PRR16: variants seen among roughly 807,000 people sequenced by gnomAD.
PRR16 encodes the protein protein Largen.
A neutral mutation model predicts 18.2 loss-of-function variants in PRR16; 6 were observed. The ratio of observed to expected loss-of-function variants is 0.33; its 90% CI spans 0.18 to 0.65. PRR16 has a LOEUF of 0.65. Ranked by LOEUF, PRR16 falls within the 30% of genes least tolerant of loss-of-function variation. PRR16 has a pLI of 0.74. For missense variants in PRR16, 412 were observed against 376.6 expected, an observed-to-expected ratio of 1.09 and a Z score of -0.78; for synonymous variants, 151 against 147.8, an observed-to-expected ratio of 1.02 and a Z score of -0.16.
chr5:120,530,259 A>G (rs1751501606), intron 1 of PRR16, among the ~76,000 whole-genome samples: 1 of 99,422 alleles, frequency 1.0e-5, no homozygotes. Flanking sequence ...GTGTAAATAT[A>G]TATATATATA....
At chr5:120,556,360 A>G (rs990835325) in intron 1 of PRR16, among the ~76,000 whole-genome samples, 1 of 150,498 alleles carries the variant, frequency 6.6e-6, no homozygotes, top group Non-Finnish European at 1.5e-5. Flanking sequence ...TTTGGGGTGC[A>G]GTCTTGCTCA....
chr5:120,721,069 T>C, the PRR16 span, among the ~76,000 whole-genome samples: 1 of 152,120 alleles, frequency 6.6e-6, no homozygotes, highest in Non-Finnish European at 1.5e-5. Context: ...CATAATTTCT[T>C]GTCCAAATTA....
chr5:120,763,515 G>A, the PRR16 span, among the ~76,000 whole-genome samples: 1 of 151,916 alleles, frequency 6.6e-6, no homozygotes, highest in African/African-American at 2.4e-5. Flanking sequence ...TGTCCTTTTT[G>A]CTCAGGATTG....
the PRR16 span, among the ~76,000 whole-genome samples, chr5:120,759,508 C>A: frequency 6.6e-6 from 1 of 151,946 alleles, no homozygotes; most frequent in African/African-American, 2.4e-5. Flanking sequence ...TAAGTGGCTT[C>A]CATGGGCTCA....
intron 1 of PRR16, among the ~76,000 whole-genome samples, chr5:120,659,773 A>G (rs551909509): frequency 3.3e-5 from 5 of 152,052 alleles, no homozygotes; most frequent in Admixed American, 1.3e-4. Context: ...ACATTCTTGG[A>G]TCAAAAAGAG....
At chr5:120,498,767 C>G (rs747375192) in intron 1 of PRR16, among the ~76,000 whole-genome samples, 8 of 151,590 alleles carry the variant, frequency 5.3e-5, no homozygotes, top group African/African-American at 1.9e-4. Flanking sequence ...ATTACTCTTT[C>G]TTCTTTAAGG....
At chr5:120,630,882 T>TAG (rs1755029506) in intron 1 of PRR16, among the ~76,000 whole-genome samples, 1 of 152,166 alleles carries the variant, frequency 6.6e-6, no homozygotes, top group African/African-American at 2.4e-5. Flanking sequence ...TAAATCTAGA[T>TAG]ACGCATTTTG....
intron 1 of PRR16, among the ~76,000 whole-genome samples, chr5:120,470,319 G>A (rs557926637): frequency 6.6e-6 from 1 of 152,108 alleles, no homozygotes; most frequent in African/African-American, 2.4e-5. Flanking sequence ...GTTAGGAGCA[G>A]CACATGAATA....
rs188913701 is a variant in PRR16, at chr5:120,636,226, C to T, written c.160-49728C>T. 2.0e-5 allele frequency among the ~76,000 whole-genome samples: 3 copies of T among 152,068 alleles called. No individual in the cohort carries two copies. In the East Asian group the frequency reaches 5.8e-4, roughly 29 times the overall value. On this transcript the variant is annotated intron_variant, in intron 1 of 1. Coordinates refer to ENST00000407149, the MANE Select transcript of PRR16 (RefSeq NM_001300783.2). The stretch of plus-strand genomic sequence containing the variant: ...CCAAAAGCAATCTACAAATTCAATA[C>T]AATTCCCATCAAAATATGACCATCA...
the PRR16 span, among the ~76,000 whole-genome samples, chr5:120,753,523 G>T: frequency 6.6e-6 from 1 of 151,716 alleles, no homozygotes; most frequent in Non-Finnish European, 1.5e-5. Context: ...GTAAAGAATG[G>T]TGAGTGATCT....
intron 1 of PRR16, among the ~76,000 whole-genome samples, chr5:120,564,216 G>T (rs553422860): frequency 6.6e-6 from 1 of 152,102 alleles, no homozygotes; most frequent in African/African-American, 2.4e-5. Context: ...CCTTCGGTTG[G>T]GGGAGGGGTG....
chr5:120,486,309 CTGT>C (rs1749798200), intron 1 of PRR16, among the ~76,000 whole-genome samples: 2 of 152,100 alleles, frequency 1.3e-5, no homozygotes, highest in African/African-American at 4.8e-5. Flanking sequence ...TCTCCAGCAC[CTGT>C]TGTTTCCTGA....
At position 120,685,646 on chromosome 5, in the gene PRR16, A is replaced by T. The variant is rs532786521; in HGVS notation, c.160-308A>T. 2.0e-5 allele frequency among the ~76,000 whole-genome samples: 3 copies of T among 152,278 alleles called. No homozygotes were observed. The South Asian group carries it at 6.2e-4, about 32-fold the overall frequency. ...AAATGCCCTCTGATTATTTTTAAAA[A>T]TCAGTTATATTCCTGCATCAGGTTT... On this transcript the variant is annotated intron_variant, in intron 1 of 1. Coordinates refer to ENST00000407149, the MANE Select transcript of PRR16 (RefSeq NM_001300783.2).
At position 120,686,785 on chromosome 5, in the gene PRR16, C is replaced by A; in HGVS notation, c.*76C>A. 8.2e-7 allele frequency: 1 copy of A among 1,222,732 alleles called. No individual in the cohort carries two copies. The highest frequency in any genetic ancestry group is 1.1e-6 in the Non-Finnish European group (1 of 937,206). 75.7% of individuals were successfully genotyped at this position (1,222,732 alleles called of 1,614,324 possible). On this transcript the variant is annotated 3_prime_UTR_variant, in exon 2 of 2. Coordinates refer to ENST00000407149, the MANE Select transcript of PRR16 (RefSeq NM_001300783.2). ...AAATAAGTAATGAGCACTTTCTACT[C>A]AAGCAATAAAAAGCCCAAATATATT... is the stretch of plus-strand genomic sequence containing the variant.
At chr5:120,657,217 A>G (rs186225052) in intron 1 of PRR16, among the ~76,000 whole-genome samples, 142 of 152,106 alleles carry the variant, frequency 9.3e-4, no homozygotes, top group South Asian at 2.1e-4. Flanking sequence ...GAGACAAACA[A>G]TTAGCATGCC....
chr5:120,630,002 C>T (rs560737119), intron 1 of PRR16, among the ~76,000 whole-genome samples: 3 of 151,824 alleles, frequency 2.0e-5, no homozygotes, highest in East Asian at 3.9e-4. Flanking sequence ...TATGATGATC[C>T]GAGATGTGTA....
chr5:120,703,535 G>A, the PRR16 span, among the ~76,000 whole-genome samples: 1 of 152,140 alleles, frequency 6.6e-6, no homozygotes, highest in Non-Finnish European at 1.5e-5. Flanking sequence ...CAATCACTTT[G>A]GTAAAGATAC....
the PRR16 span, among the ~76,000 whole-genome samples, chr5:120,698,799 G>C: frequency 6.6e-6 from 1 of 152,088 alleles, no homozygotes; most frequent in Non-Finnish European, 1.5e-5. Flanking sequence ...GTTTTTAAAA[G>C]ACCTTTAGTC....
At chr5:120,566,288 A>T (rs1401504005) in intron 1 of PRR16, among the ~76,000 whole-genome samples, 1 of 152,190 alleles carries the variant, frequency 6.6e-6, no homozygotes, top group Admixed American at 6.5e-5. Context: ...CCTTGCCTCC[A>T]GAACTGTGAG....
Sources: allele counts gnomAD v4.1 joint callset (sites outside exome capture counted in the v4.1 genomes callset), GRCh38; gene constraint gnomAD v4.1.1; transcripts MANE v1.5; gene names NCBI Gene and HGNC (gene_info 2026-07-23, HGNC 2026-07-21).